Variants in DDX6 observed in about 807,000 individuals in gnomAD.
DDX6 encodes the protein probable ATP-dependent RNA helicase DDX6.
In DDX6, 7 loss-of-function variants were observed where a neutral mutation model predicts 60.6. The observed-to-expected ratio is 0.12, with a 90% CI of 0.07 to 0.22. DDX6 has a LOEUF of 0.22. Among genes scored for constraint, DDX6 ranks in the 10% least tolerant of loss-of-function variants. DDX6 has a pLI of 1.00. For missense variants in DDX6, 270 were observed against 589.9 expected, an observed-to-expected ratio of 0.46 and a Z score of 5.62; for synonymous variants, 207 against 201.0, an observed-to-expected ratio of 1.03 and a Z score of -0.25.
chr11:118,764,151 C>G (rs1037306583), intron 6 of DDX6, among the ~76,000 whole-genome samples: 4 of 152,028 alleles, frequency 2.6e-5, no homozygotes, highest in Non-Finnish European at 5.9e-5. Context: ...AAGGATCAAA[C>G]AAGATAATTT....
At chr11:118,791,620 C>T (rs1862279123), upstream of DDX6, 1 of 152,188 alleles carries the variant, frequency 6.6e-6, no homozygotes, top group Non-Finnish European at 1.5e-5. Context: ...GGAAGCTGAC[C>T]TGACTTCTCC....
intron 8 of DDX6, among the ~76,000 whole-genome samples, 185 bp downstream of exon 8, chr11:118,759,737 C>T (rs1555159748): frequency 6.6e-6 from 1 of 152,186 alleles, no homozygotes; most frequent in African/African-American, 2.4e-5. Context: ...GTTACTATTA[C>T]AACCTTCTTA....
chr11:118,780,973 G>C, intron 3 of DDX6, 148 bp downstream of exon 3: 1 of 541,030 alleles, frequency 1.8e-6, no homozygotes. Flanking sequence ...GGAATATATA[G>C]CCTGAATATC....
Position 118,786,282 on chromosome 11 carries a change from TC to T in DDX6, c.-32del, listed in dbSNP as rs1232891728. ...TTTAATTGCAAAGGTCTTTCAAACT[TC>T]AAAACTTTTGAAAGTCAGTAGAGAA... On this transcript the variant is annotated 5_prime_UTR_variant, in exon 2 of 14. Coordinates refer to ENST00000534980, the MANE Select transcript of DDX6 (RefSeq NM_004397.6). 1 of 1,565,876 alleles carries T rather than the reference TC, an allele frequency of 6.4e-7. No homozygotes were observed. The highest frequency in any genetic ancestry group is 1.4e-5 in the African/African-American group (1 of 72,998).
chr11:118,769,365 C>T (rs1371075666), intron 4 of DDX6, among the ~76,000 whole-genome samples: 1 of 152,172 alleles, frequency 6.6e-6, no homozygotes, highest in East Asian at 1.9e-4. Flanking sequence ...AATGTGCTCT[C>T]TATTGAAGGT....
intron 4 of DDX6, among the ~76,000 whole-genome samples, chr11:118,777,620 T>A (rs1489537881): frequency 6.6e-6 from 1 of 152,090 alleles, no homozygotes. Flanking sequence ...CCGGGTACGA[T>A]GGCTCACATC....
chr11:118,779,199 G>A (rs1161667998), intron 4 of DDX6, among the ~76,000 whole-genome samples: 1 of 150,884 alleles, frequency 6.6e-6, no homozygotes, highest in Non-Finnish European at 1.5e-5. Context: ...GGGGTTGTAG[G>A]CTGTATTTTT....
At chr11:118,774,844 G>T (rs1207353345) in intron 4 of DDX6, among the ~76,000 whole-genome samples, 2 of 152,064 alleles carry the variant, frequency 1.3e-5, no homozygotes, top group Admixed American at 6.6e-5. Flanking sequence ...AAAATGCCTG[G>T]ATAAAACTGT....
chr11:118,783,810 C>CAAAAAAAAAAAAAAAAAA, intron 2 of DDX6, among the ~76,000 whole-genome samples: 2 of 56,902 alleles, frequency 3.5e-5, no homozygotes, highest in East Asian at 9.3e-4. Flanking sequence ...GAGTCCATCT[C>CAAAAAAAAAAAAAAAAAA]AAAAAAAAAA....
chr11:118,771,389 A>G (rs1555162543), intron 4 of DDX6, among the ~76,000 whole-genome samples: 1 of 152,182 alleles, frequency 6.6e-6, no homozygotes, highest in Non-Finnish European at 1.5e-5. Flanking sequence ...CCCTACAAAA[A>G]CTGTTCAAGG....
intron 1 of DDX6, chr11:118,789,025 C>G (rs1239385325): frequency 6.6e-6 from 1 of 151,224 alleles, no homozygotes; most frequent in Non-Finnish European, 1.5e-5. Flanking sequence ...TACAAAGACA[C>G]GAAAACAAAG....
Position 118,764,817 on chromosome 11 carries a change from A to ATACACACACACAC in DDX6, c.646+391_646+392insGTGTGTGTGTGTA, listed in dbSNP as rs553618618. On this transcript the variant is annotated intron_variant, in intron 6 of 13. Coordinates refer to ENST00000534980, the MANE Select transcript of DDX6 (RefSeq NM_004397.6). Reference sequence around the variant, plus strand: ...AGACTCCATCTCCAAAAAAAAAAAAAATATACACACACACACACACATTAT... The same window carrying ATACACACACACAC: ...AGACTCCATCTCCAAAAAAAAAAAAATACACACACACACATATACACACACACACACACATTAT... Among the ~76,000 whole-genome samples, 622 of 20,346 alleles carry ATACACACACACAC rather than the reference A, an allele frequency of 0.031. 14 individuals carry two copies. In the East Asian group the frequency reaches 0.42, roughly 14 times the overall value. 13.3% of individuals were successfully genotyped at this position (20,346 alleles called of 152,430 possible). A position where few individuals can be genotyped will look rare whatever the true frequency, so the allele number is the denominator to read the frequency against.
At chr11:118,765,419 C>G in intron 5 of DDX6, 64 bp from the exon 6 acceptor site, 1 of 1,532,794 alleles carries the variant, frequency 6.5e-7, no homozygotes, top group Non-Finnish European at 9.0e-7. Context: ...TGCTATACAT[C>G]ATTATTTACA....
At chr11:118,790,608 GC>G (rs748981008) in intron 1 of DDX6, among the ~76,000 whole-genome samples, 1 of 151,930 alleles carries the variant, frequency 6.6e-6, no homozygotes, top group Non-Finnish European at 1.5e-5. Context: ...GCCCCCTTCG[GC>G]CTCATATTCC....
intron 5 of DDX6, among the ~76,000 whole-genome samples, chr11:118,766,632 G>A (rs1206753808): frequency 1.3e-5 from 2 of 151,882 alleles, no homozygotes; most frequent in Non-Finnish European, 2.9e-5. Context: ...TTGCTCTGTT[G>A]TCCAGGCTGA....
intron 7 of DDX6, among the ~76,000 whole-genome samples, chr11:118,760,958 G>A (rs1173744316): frequency 6.6e-6 from 1 of 152,006 alleles, no homozygotes; most frequent in Non-Finnish European, 1.5e-5. Flanking sequence ...TGGTTGATAT[G>A]GTGAAACCCT....
At chr11:118,775,200 A>T (rs1403548617) in intron 4 of DDX6, among the ~76,000 whole-genome samples, 1 of 151,994 alleles carries the variant, frequency 6.6e-6, no homozygotes, top group African/African-American at 2.4e-5. Context: ...CTGTAATCCC[A>T]AGTCACTTGG....
intron 9 of DDX6, among the ~76,000 whole-genome samples, chr11:118,758,096 C>T (rs1861039847): frequency 6.6e-6 from 1 of 152,168 alleles, no homozygotes; most frequent in Non-Finnish European, 1.5e-5. Flanking sequence ...TGGGAATGTG[C>T]ATGTCAGGTG....
chr11:118,758,940 A>C (rs781912929), intron 8 of DDX6, 38 bp from the exon 9 acceptor site: 1 of 1,610,450 alleles, frequency 6.2e-7, no homozygotes, highest in Non-Finnish European at 8.5e-7. Context: ...TCGTCGTCTT[A>C]AATGAAAGCA....
Sources: gnomAD v4.1 joint callset for allele counts (sites outside exome capture counted in the v4.1 genomes callset) on GRCh38, gnomAD v4.1.1 for gene constraint, MANE v1.5 for transcripts, NCBI Gene and HGNC (gene_info 2026-07-23, HGNC 2026-07-21) for gene names.